The following STXBP5L variants were observed in gnomAD, a reference collection of about 807,000 sequenced individuals.
STXBP5L encodes the protein syntaxin binding protein 5L, also known as syntaxin-binding protein 5-like.
In STXBP5L, 65 loss-of-function variants were observed where a neutral mutation model predicts 144.5. That is an observed-to-expected ratio of 0.45 (90% CI 0.37 to 0.55). STXBP5L has a LOEUF of 0.55. Among genes scored for constraint, STXBP5L ranks in the 20% least tolerant of loss-of-function variants. The pLI is 0.00. For missense variants in STXBP5L, 1,298 were observed against 1,405.5 expected, an observed-to-expected ratio of 0.92 and a Z score of 1.22; for synonymous variants, 505 against 469.6, an observed-to-expected ratio of 1.08 and a Z score of -0.97.
intron 20 of STXBP5L, chr3:121,357,137 A>G (rs1336971516): frequency 1.2e-5 from 2 of 170,328 alleles, no homozygotes; most frequent in Non-Finnish European, 2.6e-5. Context: ...TAAACTCCAG[A>G]AGCACAATCA....
rs1375606052 is a variant in STXBP5L at position 121,271,782 on chromosome 3, C to T, written c.1959-8023C>T. ...TTCTCAAACTACTCTAAAGACATGT[C>T]TGAGATTGGGTAATTTATGAAGAAA... On this transcript the variant is annotated intron_variant, in intron 18 of 26. Coordinates refer to ENST00000471454, the MANE Select transcript of STXBP5L (RefSeq NM_001308330.2). Among the ~76,000 whole-genome samples the T allele has an allele frequency of 4.6e-5, 7 of 152,112 alleles. No individual in the cohort carries two copies. The South Asian group carries it at 1.4e-3, about 31-fold the overall frequency.
chr3:121,099,817 A>T (rs2043320526), intron 5 of STXBP5L: 1 of 152,200 alleles, frequency 6.6e-6, no homozygotes, highest in African/African-American at 2.4e-5. Context: ...GGCAAGGTAG[A>T]TGAAAAAAGC....
At chr3:121,321,230 G>T (rs1167669867) in intron 20 of STXBP5L, among the ~76,000 whole-genome samples, 1 of 152,076 alleles carries the variant, frequency 6.6e-6, no homozygotes, top group Non-Finnish European at 1.5e-5. Context: ...AATAATTGAG[G>T]AATGAGAGAT....
intron 19 of STXBP5L, among the ~76,000 whole-genome samples, chr3:121,301,863 T>C (rs1331335683): frequency 2.6e-5 from 4 of 152,222 alleles, no homozygotes; most frequent in African/African-American, 7.2e-5. Context: ...GATTTGCGTA[T>C]GTTGAACCAG....
Position 121,012,121 on chromosome 3 carries a change from T to C in STXBP5L, c.288-29579T>C, listed in dbSNP as rs375455159. On this transcript the variant is annotated intron_variant, in intron 3 of 26. Transcript: ENST00000471454. The stretch of plus-strand genomic sequence containing the variant: ...TTCATTTAATATAATGTTTGCAAAG[T>C]TTATGCATGTATCAATACTTGATTT... Among the ~76,000 whole-genome samples the C allele has an allele frequency of 2.4e-4, 36 of 152,022 alleles. No individual in the cohort carries two copies. In the East Asian group the frequency reaches 6.4e-3, roughly 27 times the overall value.
chr3:121,215,718 C>A (rs1039646306), intron 10 of STXBP5L, among the ~76,000 whole-genome samples: 1 of 152,052 alleles, frequency 6.6e-6, no homozygotes, highest in Non-Finnish European at 1.5e-5. Context: ...TTATGATATT[C>A]TCTTTATTTT....
intron 2 of STXBP5L, among the ~76,000 whole-genome samples, chr3:120,934,731 A>G (rs1030556791): frequency 3.3e-5 from 5 of 152,042 alleles, no homozygotes; most frequent in Non-Finnish European, 7.4e-5. Context: ...TAGCCCCTTT[A>G]TCATTACGTA....
intron 3 of STXBP5L, among the ~76,000 whole-genome samples, chr3:121,028,929 A>G (rs372087808): frequency 4.6e-5 from 7 of 152,130 alleles, no homozygotes; most frequent in Non-Finnish European, 5.9e-5. Flanking sequence ...CCCATTCACA[A>G]TTGCTACAAA....
chr3:121,311,303 T>G (rs929993112), intron 19 of STXBP5L, among the ~76,000 whole-genome samples: 8 of 152,266 alleles, frequency 5.3e-5, no homozygotes, highest in Admixed American at 1.3e-4. Context: ...ATTACCATAG[T>G]GGAAAGACTA....
intron 3 of STXBP5L, among the ~76,000 whole-genome samples, chr3:121,000,782 GC>G (rs1179509876): frequency 3.3e-5 from 5 of 152,140 alleles, no homozygotes; most frequent in Non-Finnish European, 7.3e-5. Context: ...TTTGGATGGG[GC>G]TTTTTCTTTT....
chr3:121,111,590 T>G (rs564304427), intron 5 of STXBP5L, among the ~76,000 whole-genome samples: 3 of 152,182 alleles, frequency 2.0e-5, no homozygotes, highest in African/African-American at 7.2e-5. Flanking sequence ...GATGACTGCC[T>G]GCTACTTTCT....
intron 3 of STXBP5L, among the ~76,000 whole-genome samples, chr3:121,020,556 C>G (rs1300910040): frequency 6.6e-6 from 1 of 152,142 alleles, no homozygotes; most frequent in Non-Finnish European, 1.5e-5. Context: ...AGATTAACAG[C>G]AGATTTCTCA....
chr3:121,230,787 C>G (rs577566895), intron 11 of STXBP5L, among the ~76,000 whole-genome samples: 27 of 152,258 alleles, frequency 1.8e-4, no homozygotes, highest in African/African-American at 4.3e-4. Flanking sequence ...TAGATTCAAA[C>G]TTCGTCACTG....
At chr3:120,931,527 A>G (rs1709935340) in intron 2 of STXBP5L, among the ~76,000 whole-genome samples, 1 of 152,210 alleles carries the variant, frequency 6.6e-6, no homozygotes, top group Non-Finnish European at 1.5e-5. Flanking sequence ...AGTGCCAGGT[A>G]AACTGCAGCT....
chr3:121,232,360 G>T (rs756078641), intron 11 of STXBP5L, among the ~76,000 whole-genome samples: 1 of 152,094 alleles, frequency 6.6e-6, no homozygotes, highest in Non-Finnish European at 1.5e-5. Context: ...GGAGCTGAGA[G>T]TTGGTCACTT....
chr3:121,018,269 A>G (rs1945284068), intron 3 of STXBP5L, among the ~76,000 whole-genome samples: 1 of 152,140 alleles, frequency 6.6e-6, no homozygotes, highest in African/African-American at 2.4e-5. Flanking sequence ...AATAACCAAC[A>G]CAATCTTGAA....
At position 121,247,240 on chromosome 3, in the gene STXBP5L, C is replaced by G. The variant is rs1417624989; in HGVS notation, c.1401-3483C>G. Among the ~76,000 whole-genome samples, 3 of 152,268 alleles carry G rather than the reference C, an allele frequency of 2.0e-5. No individual in the cohort carries two copies. In the East Asian group the frequency reaches 5.8e-4, roughly 29 times the overall value. On this transcript the variant is annotated intron_variant, in intron 14 of 26. Transcript: ENST00000471454. ...CTGTTTTTCACCACTAGCACAAAAA[C>G]TTTATTGGAGCTTTAGGGTGAGACT...
chr3:120,968,039 A>C (rs1379153212), intron 3 of STXBP5L, among the ~76,000 whole-genome samples: 1 of 152,164 alleles, frequency 6.6e-6, no homozygotes, highest in Non-Finnish European at 1.5e-5. Context: ...GTCCTAGAGA[A>C]TGTTGCATGT....
intron 11 of STXBP5L, 102 bp downstream of exon 11, chr3:121,223,259 T>C: frequency 2.5e-6 from 3 of 1,214,804 alleles, no homozygotes; most frequent in Non-Finnish European, 3.4e-6. Flanking sequence ...TACTGTGGTA[T>C]AACGCTGTGA....
Sources: allele counts gnomAD v4.1 joint callset (sites outside exome capture counted in the v4.1 genomes callset), GRCh38; gene constraint gnomAD v4.1.1; transcripts MANE v1.5; gene names NCBI Gene and HGNC (gene_info 2026-07-23, HGNC 2026-07-21).